COMMD1: variants seen among roughly 807,000 people sequenced by gnomAD.
The protein encoded by COMMD1 is COMM domain-containing protein 1.
COMMD1 carries 10 observed loss-of-function variants against 17.2 expected under a neutral mutation model. The observed-to-expected ratio is 0.58, with a 90% CI of 0.36 to 0.99. The LOEUF (loss-of-function observed/expected upper bound fraction) is 0.99. Ranked by LOEUF, COMMD1 falls within the 50% of genes least tolerant of loss-of-function variation. COMMD1 has a pLI of 0.01. For missense variants in COMMD1, 270 were observed against 231.8 expected (o/e 1.17, Z -1.07); for synonymous variants, 97 against 91.6 (o/e 1.06, Z -0.34).
intron 1 of COMMD1, among the ~76,000 whole-genome samples, chr2:61,965,211 A>G (rs1365097862): frequency 1.3e-5 from 2 of 152,222 alleles, no homozygotes; most frequent in African/African-American, 4.8e-5. Context: ...TAGATGAGTT[A>G]TAATTAAAAA....
chr2:61,958,833 G>A (rs1355000269), intron 1 of COMMD1, among the ~76,000 whole-genome samples: 1 of 151,972 alleles, frequency 6.6e-6, no homozygotes, highest in Non-Finnish European at 1.5e-5. Context: ...ATACCATATT[G>A]TTTAGTAGAC....
At chr2:61,981,441 T>A (rs1328960060) in intron 1 of COMMD1, among the ~76,000 whole-genome samples, 1 of 152,164 alleles carries the variant, frequency 6.6e-6, no homozygotes, top group Non-Finnish European at 1.5e-5. Context: ...TTGTCGAAAA[T>A]GAGTTCACTG....
intron 2 of COMMD1, among the ~76,000 whole-genome samples, chr2:62,111,920 A>G (rs1672465272): frequency 6.6e-6 from 1 of 152,058 alleles, no homozygotes; most frequent in South Asian, 2.1e-4. Flanking sequence ...GAAGTGAGAG[A>G]GGTTGGGAAG....
chr2:62,112,064 A>G (rs537579354), intron 2 of COMMD1, among the ~76,000 whole-genome samples: 7 of 152,310 alleles, frequency 4.6e-5, no homozygotes, highest in African/African-American at 1.7e-4. Context: ...CAAGTCTGCT[A>G]TTTTCAAGAA....
At chr2:61,954,846 T>C (rs1671153931) in intron 1 of COMMD1, among the ~76,000 whole-genome samples, 1 of 152,188 alleles carries the variant, frequency 6.6e-6, no homozygotes, top group Admixed American at 6.5e-5. Flanking sequence ...CAATAGTTTT[T>C]CTATTTTTAG....
intron 1 of COMMD1, among the ~76,000 whole-genome samples, chr2:61,910,897 A>G (rs1253228433): frequency 6.6e-6 from 1 of 151,346 alleles, no homozygotes; most frequent in Non-Finnish European, 1.5e-5. Flanking sequence ...CAGCCTGACC[A>G]ACGTGGAGAA....
intron 1 of COMMD1, among the ~76,000 whole-genome samples, chr2:61,890,105 C>T (rs1358418325): frequency 6.6e-6 from 1 of 152,176 alleles, no homozygotes; most frequent in Non-Finnish European, 1.5e-5. Context: ...GTTGAATGTT[C>T]GCTCACAATT....
At chr2:62,015,342 C>T (rs192360806) in intron 2 of COMMD1, among the ~76,000 whole-genome samples, 2 of 152,268 alleles carry the variant, frequency 1.3e-5, no homozygotes, top group Non-Finnish European at 2.9e-5. Context: ...TGTTGTAGTA[C>T]ATATCAGGAT....
intron 2 of COMMD1, among the ~76,000 whole-genome samples, chr2:62,105,040 G>A (rs980470322): frequency 8.6e-5 from 13 of 151,364 alleles, no homozygotes; most frequent in Admixed American, 3.3e-4. Context: ...CAGGAGAATC[G>A]CTTGAACCTG....
chr2:61,924,374 C>T lies in COMMD1; in HGVS notation c.180+18516C>T, dbSNP rs532829017. Among the ~76,000 whole-genome samples the T allele has an allele frequency of 8.1e-5, 7 of 86,382 alleles. No individual in the cohort carries two copies. The South Asian group carries it at 9.8e-4, about 12-fold the overall frequency. 56.7% of individuals were successfully genotyped at this position (86,382 alleles called of 152,430 possible). ...GGTGGTGGTAGGGAGGACTCAGAGT[C>T]GGAGGGGGGATGGTTGGAGAGGGGG... On this transcript the variant is annotated intron_variant, in intron 1 of 2. Coordinates refer to ENST00000311832, the MANE Select transcript of COMMD1 (RefSeq NM_152516.4).
intron 1 of COMMD1, among the ~76,000 whole-genome samples, chr2:61,993,667 C>T (rs1668658895): frequency 6.6e-6 from 1 of 152,170 alleles, no homozygotes; most frequent in African/African-American, 2.4e-5. Context: ...TTTATGGTAG[C>T]TATTCAAATA....
At chr2:61,942,253 G>A (rs147088607) in intron 1 of COMMD1, among the ~76,000 whole-genome samples, 4 of 151,348 alleles carry the variant, frequency 2.6e-5, no homozygotes, top group African/African-American at 7.3e-5. Flanking sequence ...ACAGGCATGC[G>A]CCACCACGGC....
intron 1 of COMMD1, among the ~76,000 whole-genome samples, chr2:61,998,044 T>C (rs1333419748): frequency 6.6e-6 from 1 of 152,236 alleles, no homozygotes; most frequent in Non-Finnish European, 1.5e-5. Flanking sequence ...AGACAACTTC[T>C]TTCTTTAAAC....
chr2:62,078,552 CA>C (rs34983790), intron 2 of COMMD1, among the ~76,000 whole-genome samples: 13,090 of 86,776 alleles, frequency 0.15, 637 homozygotes, highest in Non-Finnish European at 0.16. Flanking sequence ...GACTCCGTCT[CA>C]AAAAAAAAAA....
At chr2:61,924,121 G>A (rs895139397) in intron 1 of COMMD1, among the ~76,000 whole-genome samples, 1 of 152,182 alleles carries the variant, frequency 6.6e-6, no homozygotes, top group Admixed American at 6.5e-5. Context: ...AACTGTTTCA[G>A]TGTAGCTGCC....
chr2:62,024,225 G>T (rs1342455299), intron 2 of COMMD1, among the ~76,000 whole-genome samples: 1 of 151,980 alleles, frequency 6.6e-6, no homozygotes, highest in Non-Finnish European at 1.5e-5. Context: ...TTTTGTTTTT[G>T]TTTTTTGTGG....
intron 2 of COMMD1, among the ~76,000 whole-genome samples, chr2:62,039,281 T>C (rs1388704108): frequency 1.3e-5 from 2 of 152,250 alleles, no homozygotes; most frequent in Non-Finnish European, 2.9e-5. Flanking sequence ...TATATTCATT[T>C]ACATTCTACA....
At chr2:62,051,565 A>C (rs1308359933) in intron 2 of COMMD1, among the ~76,000 whole-genome samples, 1 of 152,100 alleles carries the variant, frequency 6.6e-6, no homozygotes, top group African/African-American at 2.4e-5. Context: ...TAGTTTCTTT[A>C]ATTTGACAAA....
chr2:62,011,502 AT>A (rs879871645), intron 2 of COMMD1, among the ~76,000 whole-genome samples: 94 of 146,884 alleles, frequency 6.4e-4, no homozygotes, highest in Admixed American at 1.5e-3. Flanking sequence ...GAGGACAAAG[AT>A]TTTTTTTTTT....
Sources: allele counts gnomAD v4.1 joint callset (sites outside exome capture counted in the v4.1 genomes callset), GRCh38; gene constraint gnomAD v4.1.1; transcripts MANE v1.5; gene names NCBI Gene and HGNC (gene_info 2026-07-23, HGNC 2026-07-21).